Variants in ZFAND3 observed in about 807,000 individuals in gnomAD.
ZFAND3 encodes zinc finger AN1-type containing 3, also known as AN1-type zinc finger protein 3.
Under a neutral mutation model 29.6 loss-of-function variants are expected in ZFAND3, and 10 were observed. That is an observed-to-expected ratio of 0.34 (90% CI 0.21 to 0.57). The LOEUF is 0.57. Ranked by LOEUF, ZFAND3 falls within the 20% of genes least tolerant of loss-of-function variation. The pLI is 0.86. For missense variants in ZFAND3, 230 were observed against 304.5 expected, an observed-to-expected ratio of 0.76 and a Z score of 1.82; for synonymous variants, 128 against 112.6, an observed-to-expected ratio of 1.14 and a Z score of -0.87.
intron 2 of ZFAND3, among the ~76,000 whole-genome samples, chr6:37,969,577 T>A (rs1318961122): frequency 6.6e-6 from 1 of 152,222 alleles, no homozygotes; most frequent in Non-Finnish European, 1.5e-5. Flanking sequence ...CAAAGTATGG[T>A]TTCTACTGAA....
In ZFAND3 at chr6:38,065,949, G is replaced by C. The variant is rs145093884; in HGVS notation, c.295+4174G>C. Among the ~76,000 whole-genome samples, 34 of 152,274 alleles carry C rather than the reference G, an allele frequency of 2.2e-4. No homozygotes were observed. The East Asian group carries it at 5.6e-3, about 25-fold the overall frequency. ...CTGAGTATAGAAATGAGTAAGATTA[G>C]GTCTTTATAAATAAGGAGGTCACCT... On this transcript the variant is annotated intron_variant, in intron 3 of 5. Coordinates refer to ENST00000287218, the MANE Select transcript of ZFAND3 (RefSeq NM_021943.3).
At chr6:37,974,097 CCTT>C (rs1561952444) in intron 2 of ZFAND3, among the ~76,000 whole-genome samples, 1 of 152,182 alleles carries the variant, frequency 6.6e-6, no homozygotes, top group Non-Finnish European at 1.5e-5. Flanking sequence ...GCCACCTTTA[CCTT>C]CATTATTTTC....
chr6:38,059,219 C>T (rs929448744), intron 2 of ZFAND3, among the ~76,000 whole-genome samples: 1 of 152,140 alleles, frequency 6.6e-6, no homozygotes. Flanking sequence ...AAGAGATAAT[C>T]ACTGTCCGAA....
chr6:37,989,202 C>T (rs1461278835), intron 2 of ZFAND3, among the ~76,000 whole-genome samples: 1 of 152,186 alleles, frequency 6.6e-6, no homozygotes, highest in Non-Finnish European at 1.5e-5. Flanking sequence ...GCCACCATGC[C>T]CAGCCTAGCT....
chr6:37,912,622 C>A (rs1226977950), intron 1 of ZFAND3, among the ~76,000 whole-genome samples: 1 of 152,028 alleles, frequency 6.6e-6, no homozygotes, highest in Non-Finnish European at 1.5e-5. Flanking sequence ...CCTTTGCATT[C>A]AAAATCATTG....
chr6:38,113,879 G>C (rs1765366383), intron 4 of ZFAND3, among the ~76,000 whole-genome samples: 1 of 152,224 alleles, frequency 6.6e-6, no homozygotes, highest in South Asian at 2.1e-4. Flanking sequence ...GTGCTTTGCA[G>C]ATGAACAGCA....
At chr6:37,887,209 A>C (rs775422739) in intron 1 of ZFAND3, among the ~76,000 whole-genome samples, 1 of 152,218 alleles carries the variant, frequency 6.6e-6, no homozygotes, top group African/African-American at 2.4e-5. Flanking sequence ...CTTGGATTTG[A>C]AAGCAGTGAA....
Position 37,896,570 on chromosome 6 carries a change from C to CTTTCTT in ZFAND3, c.72-33388_72-33387insTTCTTT, listed in dbSNP as rs1554153801. ...TCTTTCTTTCTTTCTTTCTTTCTTTCTCTCTTTCTCTCTCTTTCTCTTTTT... is the reference window on the plus strand; with the variant it reads ...TCTTTCTTTCTTTCTTTCTTTCTTTCTTTCTTTCTCTTTCTCTCTCTTTCTCTTTTT... On this transcript the variant is annotated intron_variant, in intron 1 of 5. Transcript: ENST00000287218. Among the ~76,000 whole-genome samples the CTTTCTT allele has an allele frequency of 1.5e-4, 19 of 124,598 alleles. No individual in the cohort carries two copies. The East Asian group carries it at 2.0e-3, about 13-fold the overall frequency. 81.7% of individuals were successfully genotyped at this position (124,598 alleles called of 152,430 possible).
At chr6:38,033,430 G>A (rs1440528476) in intron 2 of ZFAND3, among the ~76,000 whole-genome samples, 1 of 152,118 alleles carries the variant, frequency 6.6e-6, no homozygotes, top group African/African-American at 2.4e-5. Flanking sequence ...GTTTGACCTA[G>A]TTAATAGAAC....
intron 2 of ZFAND3, among the ~76,000 whole-genome samples, chr6:38,002,372 T>C (rs942692894): frequency 1.3e-5 from 2 of 151,026 alleles, no homozygotes; most frequent in East Asian, 3.9e-4. Flanking sequence ...TTTGGGAAAA[T>C]ATGTGGTTAC....
intron 1 of ZFAND3, among the ~76,000 whole-genome samples, chr6:37,834,394 T>C (rs2127369891): frequency 6.6e-6 from 1 of 152,348 alleles, no homozygotes; most frequent in South Asian, 2.1e-4. Context: ...TTTATCCACT[T>C]ACCTACTGGA....
chr6:38,023,476 C>T (rs913907435), intron 2 of ZFAND3, among the ~76,000 whole-genome samples: 1 of 151,964 alleles, frequency 6.6e-6, no homozygotes, highest in African/African-American at 2.4e-5. Context: ...TTAGCCATTC[C>T]ACAATGTGTA....
chr6:37,949,526 G>T (rs1172443328), intron 2 of ZFAND3, among the ~76,000 whole-genome samples: 1 of 152,072 alleles, frequency 6.6e-6, no homozygotes, highest in Non-Finnish European at 1.5e-5. Context: ...CAGGTTGAGG[G>T]CTCCTTCCCC....
chr6:38,070,876 AATAAGTTG>A (rs1169060747), intron 3 of ZFAND3, among the ~76,000 whole-genome samples: 1 of 151,696 alleles, frequency 6.6e-6, no homozygotes, highest in Non-Finnish European at 1.5e-5. Flanking sequence ...CTTTTTTTTT[AATAAGTTG>A]GGCAAAAGAA....
chr6:37,955,399 T>C (rs1043842668), intron 2 of ZFAND3, among the ~76,000 whole-genome samples: 3 of 152,174 alleles, frequency 2.0e-5, no homozygotes, highest in African/African-American at 7.2e-5. Context: ...TGGTTGCTTT[T>C]TAAGGGACTT....
At chr6:37,833,362 T>C (rs961268941) in intron 1 of ZFAND3, among the ~76,000 whole-genome samples, 1 of 152,192 alleles carries the variant, frequency 6.6e-6, no homozygotes, top group Admixed American at 6.5e-5. Context: ...CTTCCTGTCC[T>C]CTTCCAGTAA....
At chr6:38,114,008 G>C (rs1335057272) in intron 4 of ZFAND3, among the ~76,000 whole-genome samples, 3 of 152,226 alleles carry the variant, frequency 2.0e-5, no homozygotes, top group Non-Finnish European at 2.9e-5. Context: ...TGTTAGAGTA[G>C]AGGTGTGCTG....
intron 4 of ZFAND3, among the ~76,000 whole-genome samples, chr6:38,106,154 CTT>C (rs757788022): frequency 5.5e-5 from 8 of 145,336 alleles, no homozygotes; most frequent in Admixed American, 1.4e-4. Flanking sequence ...AAATGACATT[CTT>C]TTTTTTTTTT....
In ZFAND3 at chr6:37,872,463, C is replaced by T. The variant is rs751241054; in HGVS notation, c.71+52447C>T. On this transcript the variant is annotated intron_variant, in intron 1 of 5. Coordinates refer to ENST00000287218, the MANE Select transcript of ZFAND3 (RefSeq NM_021943.3). ...TTAACCTTTTTTTGTTGAAATATAT[C>T]ATACACACCCGCAGTAGGGAAATAG... Among the ~76,000 whole-genome samples the T allele has an allele frequency of 7.2e-5, 11 of 152,078 alleles. No homozygotes were observed. The South Asian group carries it at 8.3e-4, about 11-fold the overall frequency.
Sources: gnomAD v4.1 joint callset for allele counts (sites outside exome capture counted in the v4.1 genomes callset) on GRCh38, gnomAD v4.1.1 for gene constraint, MANE v1.5 for transcripts, NCBI Gene and HGNC (gene_info 2026-07-23, HGNC 2026-07-21) for gene names.